FSTL5: variants seen among roughly 807,000 people sequenced by gnomAD.
FSTL5 encodes the protein follistatin-related protein 5.
Under a neutral mutation model 89.1 loss-of-function variants are expected in FSTL5, and 62 were observed. The ratio of observed to expected loss-of-function variants is 0.70; its 90% CI spans 0.57 to 0.86. The LOEUF (loss-of-function observed/expected upper bound fraction) is 0.86. Ranked by LOEUF, FSTL5 falls within the 40% of genes least tolerant of loss-of-function variation. FSTL5 has a pLI of 0.00. For synonymous variants in FSTL5, 383 were observed against 346.2 expected (o/e 1.11, Z -1.18); for missense variants, 1,057 against 1,001.6 (o/e 1.06, Z -0.75).
At chr4:162,040,939 A>G (rs1737928226) in intron 2 of FSTL5, among the ~76,000 whole-genome samples, 1 of 152,088 alleles carries the variant, frequency 6.6e-6, no homozygotes, top group Non-Finnish European at 1.5e-5. Context: ...GTCTCAACTG[A>G]CATATCCTTA....
In FSTL5 at chr4:161,528,669, C is replaced by T. The variant is rs555309235; in HGVS notation, c.1312+9497G>A. 2.3e-4 allele frequency among the ~76,000 whole-genome samples: 33 copies of T among 143,404 alleles called. 4 individuals are homozygous for T. Among genetic ancestry groups the T allele is most frequent in the African/African-American group, 7.7e-4 (31 of 40,112 alleles). 94.1% of individuals were successfully genotyped at this position (143,404 alleles called of 152,430 possible). On this transcript the variant is annotated intron_variant, in intron 10 of 15. Transcript: ENST00000306100. ...TTGTTAACTCTTTGCACATTTATGC[C>T]ATTATCTGACCGAATTCCTGCAACA...
chr4:161,869,776 T>G (rs1221670808), intron 4 of FSTL5, among the ~76,000 whole-genome samples: 2 of 152,244 alleles, frequency 1.3e-5, no homozygotes, highest in African/African-American at 4.8e-5. Context: ...ACTGTGCCAG[T>G]GTTAATACAT....
chr4:161,566,814 A>G (rs917356677), intron 8 of FSTL5, among the ~76,000 whole-genome samples: 1 of 152,132 alleles, frequency 6.6e-6, no homozygotes, highest in Non-Finnish European at 1.5e-5. Flanking sequence ...GTTAAAAGGT[A>G]TTAATCTGGA....
chr4:161,447,723 C>T (rs1422209283), intron 15 of FSTL5, among the ~76,000 whole-genome samples: 1 of 152,002 alleles, frequency 6.6e-6, no homozygotes, highest in Non-Finnish European at 1.5e-5. Flanking sequence ...CAAAGCTTGA[C>T]AGTTATAGTG....
chr4:161,619,385 C>T (rs1735023481), intron 7 of FSTL5, among the ~76,000 whole-genome samples: 1 of 152,110 alleles, frequency 6.6e-6, no homozygotes, highest in Admixed American at 6.5e-5. Flanking sequence ...AAAGAAACTA[C>T]CATCAGAGTG....
intron 15 of FSTL5, among the ~76,000 whole-genome samples, chr4:161,425,532 T>C (rs899591641): frequency 1.3e-5 from 2 of 152,232 alleles, no homozygotes; most frequent in Non-Finnish European, 2.9e-5. Context: ...CACATTTTCA[T>C]AGCTATTTTT....
chr4:161,728,378 T>C (rs1037973394), intron 6 of FSTL5, among the ~76,000 whole-genome samples: 1 of 152,090 alleles, frequency 6.6e-6, no homozygotes, highest in African/African-American at 2.4e-5. Flanking sequence ...AATTTTACTG[T>C]TGATAACCAA....
intron 7 of FSTL5, among the ~76,000 whole-genome samples, chr4:161,648,965 C>G (rs887957006): frequency 2.0e-5 from 3 of 152,126 alleles, no homozygotes; most frequent in African/African-American, 7.2e-5. Context: ...TCTTCTATAA[C>G]TTATGGAAAA....
Position 161,866,968 on chromosome 4 carries a change from A to G in FSTL5, c.409+53436T>C, listed in dbSNP as rs549979935. Among the ~76,000 whole-genome samples, 13 of 152,186 alleles carry G rather than the reference A, an allele frequency of 8.5e-5. No homozygotes were observed. In the South Asian group the frequency reaches 2.7e-3, roughly 32 times the overall value. On this transcript the variant is annotated intron_variant, in intron 4 of 15. Coordinates refer to ENST00000306100, the MANE Select transcript of FSTL5 (RefSeq NM_020116.5). The stretch of plus-strand genomic sequence containing the variant: ...TCCACAAGAGAAAAGCAGGAAAGAC[A>G]GCATCAAATGTAATTTGTAATTGGC...
At position 161,893,540 on chromosome 4, in the gene FSTL5, C is replaced by T. The variant is rs143897113; in HGVS notation, c.409+26864G>A. 2.2e-3 allele frequency among the ~76,000 whole-genome samples: 338 copies of T among 152,244 alleles called. 1 individual carries two copies. Among genetic ancestry groups the T allele is most frequent in the African/African-American group, 7.7e-3 (319 of 41,554 alleles). Reference sequence around the variant, plus strand: ...ACTGGCATTATCAGAATGCTTCATACTATTTCCAATCAAACAGAACAATAG... The same window carrying T: ...ACTGGCATTATCAGAATGCTTCATATTATTTCCAATCAAACAGAACAATAG... On this transcript the variant is annotated intron_variant, in intron 4 of 15. Transcript: ENST00000306100.
At chr4:161,515,640 T>C (rs1730797787) in intron 10 of FSTL5, among the ~76,000 whole-genome samples, 1 of 151,752 alleles carries the variant, frequency 6.6e-6, no homozygotes, top group Admixed American at 6.6e-5. Context: ...ATGCCTAATA[T>C]AGTCTTTATA....
At chr4:162,120,988 C>T (rs1333011270) in intron 1 of FSTL5, among the ~76,000 whole-genome samples, 4 of 151,806 alleles carry the variant, frequency 2.6e-5, no homozygotes, top group African/African-American at 4.8e-5. Flanking sequence ...CATTTGGTTT[C>T]TCACAATGAT....
intron 6 of FSTL5, among the ~76,000 whole-genome samples, chr4:161,713,455 T>C (rs1158266122): frequency 6.6e-6 from 1 of 152,188 alleles, no homozygotes; most frequent in Admixed American, 6.5e-5. Flanking sequence ...TGACTTTACT[T>C]TGAAAAGCTA....
chr4:161,577,903 T>C (rs1733285763), intron 8 of FSTL5, among the ~76,000 whole-genome samples: 1 of 152,094 alleles, frequency 6.6e-6, no homozygotes, highest in Admixed American at 6.6e-5. Context: ...ATAAAACATC[T>C]CATACTGCAT....
At chr4:161,808,532 G>T (rs758636881) in intron 4 of FSTL5, among the ~76,000 whole-genome samples, 1 of 151,800 alleles carries the variant, frequency 6.6e-6, no homozygotes, top group Non-Finnish European at 1.5e-5. Flanking sequence ...ACATGAGAGC[G>T]AAAACTGTGA....
chr4:162,079,537 T>C (rs1277754636), intron 2 of FSTL5, among the ~76,000 whole-genome samples: 1 of 151,602 alleles, frequency 6.6e-6, no homozygotes, highest in Non-Finnish European at 1.5e-5. Flanking sequence ...ATAACAAATA[T>C]ATAAGGATGG....
rs1171950770 is a variant in FSTL5 at position 161,872,141 on chromosome 4, G to GTT, written c.409+48261_409+48262dup. Among the ~76,000 whole-genome samples, 18 of 79,558 alleles carry GTT rather than the reference G, an allele frequency of 2.3e-4. 1 individual carries two copies. The highest frequency in any genetic ancestry group is 6.8e-4 in the East Asian group (2 of 2,954). 52.2% of individuals were successfully genotyped at this position (79,558 alleles called of 152,430 possible). A position where few individuals can be genotyped will look rare whatever the true frequency, so the allele number is the denominator to read the frequency against. The stretch of plus-strand genomic sequence containing the variant: ...GCTTTGTAGTTTGTTTTTTTTTTTG[G>GTT]TTTTTTTTTTTTTTTTTGTAGAGAC... On this transcript the variant is annotated intron_variant, in intron 4 of 15. Coordinates refer to ENST00000306100, the MANE Select transcript of FSTL5 (RefSeq NM_020116.5).
intron 6 of FSTL5, among the ~76,000 whole-genome samples, chr4:161,700,970 T>C (rs997008644): frequency 2.1e-4 from 32 of 152,328 alleles, no homozygotes; most frequent in East Asian, 1.9e-4. Context: ...TTCCAAAAAA[T>C]GATGCTAAAA....
chr4:161,967,881 C>T (rs879797625), intron 3 of FSTL5, among the ~76,000 whole-genome samples: 1 of 151,964 alleles, frequency 6.6e-6, no homozygotes, highest in Non-Finnish European at 1.5e-5. Context: ...CTCAATATAA[C>T]TTACAAACAA....
Sources: allele counts gnomAD v4.1 joint callset (sites outside exome capture counted in the v4.1 genomes callset), GRCh38; gene constraint gnomAD v4.1.1; transcripts MANE v1.5; gene names NCBI Gene and HGNC (gene_info 2026-07-23, HGNC 2026-07-21).